Variants in ABCB11 observed in about 807,000 individuals in gnomAD.
The protein encoded by ABCB11 is ATP binding cassette subfamily B member 11.
ABCB11 carries 95 observed loss-of-function variants against 148.0 expected under a neutral mutation model. The observed-to-expected ratio is 0.64, with a 90% CI of 0.54 to 0.76. The LOEUF (loss-of-function observed/expected upper bound fraction) is 0.76, where lower values mean the gene tolerates loss of function less well. Ranked by LOEUF, ABCB11 falls within the 30% of genes least tolerant of loss-of-function variation. The pLI is 0.00. For synonymous variants in ABCB11, 591 were observed against 555.4 expected (o/e 1.06, Z -0.90); for missense variants, 1,523 against 1,617.8 (o/e 0.94, Z 1.01).
At chr2:169,005,159 T>G (rs1694982510) in intron 5 of ABCB11, among the ~76,000 whole-genome samples, 2 of 151,934 alleles carry the variant, frequency 1.3e-5, no homozygotes, top group Non-Finnish European at 2.9e-5. Context: ...CTTTCAAGAG[T>G]GCATCAGCTA....
chr2:168,981,430 T>G (rs1573935703), intron 10 of ABCB11, among the ~76,000 whole-genome samples: 2 of 152,282 alleles, frequency 1.3e-5, no homozygotes, highest in African/African-American at 4.8e-5. Flanking sequence ...CCCCCATTTC[T>G]TCATCTGCAA....
chr2:168,940,919 T>G (rs201003842), intron 21 of ABCB11, among the ~76,000 whole-genome samples: 2 of 152,132 alleles, frequency 1.3e-5, no homozygotes. Flanking sequence ...ACAGCACATC[T>G]GTTGAAAACA....
rs1031689771 is a variant in ABCB11 at position 168,924,739 on chromosome 2, G to C, written c.3683C>G (p.Ala1228Gly). ...ATCTCGTACAATGGCCCGAGCAATA[G>C]CAATGCGTTGTTTCTCCCCTCTAGA... The part of the protein sequence containing the change: ...QLSRGEKQRI[A>G]IARAIVRDPK... The change falls in exon 27 of 28, where the codon GCT becomes GGT. Residue 1228 changes from alanine (A) to glycine (G), a missense_variant. Physicochemically the swap from Ala to Gly is moderately conservative, Grantham distance 60. Transcript: ENST00000650372. The C allele has an allele frequency of 3.1e-6, 5 of 1,613,552 alleles. No homozygotes were observed. The highest frequency in any genetic ancestry group is 3.4e-6 in the Non-Finnish European group (4 of 1,179,734).
intron 21 of ABCB11, among the ~76,000 whole-genome samples, chr2:168,937,742 C>T (rs1691893038): frequency 6.6e-6 from 1 of 152,152 alleles, no homozygotes; most frequent in South Asian, 2.1e-4. Flanking sequence ...TATAAGATAC[C>T]ACTTTGATTC....
rs1467589648 is a variant in ABCB11 at position 168,968,851 on chromosome 2, G to A, written c.2012-361C>T. ...AGTCTATTCAGAATAACCCTCCTAT[G>A]TTAAATGTATATAGTAGTTACACCT... On this transcript the variant is annotated intron_variant, in intron 16 of 27. Coordinates refer to ENST00000650372, the MANE Select transcript of ABCB11 (RefSeq NM_003742.4). 2.6e-5 allele frequency among the ~76,000 whole-genome samples: 4 copies of A among 151,796 alleles called. No individual in the cohort carries two copies. In the East Asian group the frequency reaches 7.8e-4, roughly 30 times the overall value.
chr2:168,993,561 T>A, intron 8 of ABCB11, 150 bp downstream of exon 8: 1 of 677,202 alleles, frequency 1.5e-6, no homozygotes, highest in Non-Finnish European at 2.5e-6. Context: ...AAATGTCATT[T>A]GACACTGGGG....
chr2:168,976,318 C>T lies in ABCB11; in HGVS notation c.1308+259G>A, dbSNP rs150738648. Among the ~76,000 whole-genome samples the T allele has an allele frequency of 4.5e-3, 680 of 152,200 alleles. 4 individuals carry two copies. The highest frequency in any genetic ancestry group is 6.7e-3 in the Non-Finnish European group (453 of 68,012). Reference sequence around the variant, plus strand: ...GGACCTGCCACTCATTTCAACAGAGCGTCATACAGTTCATTTAGCCTGAAT... The same window carrying T: ...GGACCTGCCACTCATTTCAACAGAGTGTCATACAGTTCATTTAGCCTGAAT... On this transcript the variant is annotated intron_variant, in intron 12 of 27. Transcript: ENST00000650372.
At chr2:168,970,244 G>A (rs761062617) in intron 14 of ABCB11, 29 bp from the exon 15 acceptor site, 37 of 1,601,478 alleles carry the variant, frequency 2.3e-5, no homozygotes, top group East Asian at 6.8e-5. Flanking sequence ...CAGTCATGAA[G>A]GGAAAAGAAT....
chr2:169,014,633 G>A (rs968531916), intron 3 of ABCB11, among the ~76,000 whole-genome samples: 2 of 152,124 alleles, frequency 1.3e-5, no homozygotes, highest in Non-Finnish European at 2.9e-5. Context: ...TATACTCCCA[G>A]TTATACCAAC....
chr2:168,969,345 CT>C lies in ABCB11; in HGVS notation c.2011+4del. ...AACATACAAGTATAGGGAAAAAGCA[CT>C]TGCCCTTTATGTCCTCTTCATTAAG... is the stretch of plus-strand genomic sequence containing the variant. On this transcript the variant is annotated splice_donor_region_variant and intron_variant, in intron 16 of 27. Transcript: ENST00000650372. 6.2e-7 allele frequency: 1 copy of C among 1,609,864 alleles called. No individual in the cohort carries two copies. The highest frequency in any genetic ancestry group is 8.5e-7 in the Non-Finnish European group (1 of 1,177,696).
intron 19 of ABCB11, among the ~76,000 whole-genome samples, chr2:168,950,986 C>T (rs1692536704): frequency 6.6e-6 from 1 of 151,564 alleles, no homozygotes; most frequent in African/African-American, 2.4e-5. Flanking sequence ...TTTCTTTCTT[C>T]TGCATACTGC....
At chr2:168,967,608 T>C (rs531928393) in intron 17 of ABCB11, among the ~76,000 whole-genome samples, 1 of 152,020 alleles carries the variant, frequency 6.6e-6, no homozygotes, top group African/African-American at 2.4e-5. Context: ...TGCACAGCCT[T>C]GCATTAAATG....
At position 168,923,633 on chromosome 2, in the gene ABCB11, G is replaced by C. The variant is rs747604184; in HGVS notation, c.3955C>G (p.Pro1319Ala). The change falls in exon 28 of 28, where the codon CCC becomes GCC. Residue 1319 changes from proline to alanine, a missense_variant. Pro to Ala is a conservative substitution (Grantham distance 27). Transcript: ENST00000650372. ...ATTCTTGCATTGGGTCAACTGATGG[G>C]GGATCCAGTGGTGACTAGTTTGTAG... The part of the protein sequence containing the change: ...AYYKLVTTGS[P>A]IS The C allele has an allele frequency of 3.1e-6, 5 of 1,613,726 alleles. No individual in the cohort carries two copies. Among genetic ancestry groups the C allele is most frequent in the Non-Finnish European group, 4.2e-6 (5 of 1,179,836 alleles).
At position 168,961,866 on chromosome 2, in the gene ABCB11, A is replaced by T. The variant is rs116049909; in HGVS notation, c.2178+2340T>A. On this transcript the variant is annotated intron_variant, in intron 18 of 27. Coordinates refer to ENST00000650372, the MANE Select transcript of ABCB11 (RefSeq NM_003742.4). ...TGTGTGAATCGACCTTTAGCACCGT[A>T]AGAGAGTATTTCCCAATCTACAGAA... Among the ~76,000 whole-genome samples the T allele has an allele frequency of 2.7e-3, 406 of 151,836 alleles. 1 individual carries two copies. The highest frequency in any genetic ancestry group is 9.3e-3 in the African/African-American group (386 of 41,524).
intron 1 of ABCB11, among the ~76,000 whole-genome samples, chr2:169,029,040 GC>G (rs891448908): frequency 6.6e-6 from 1 of 152,068 alleles, no homozygotes; most frequent in Non-Finnish European, 1.5e-5. Flanking sequence ...ACCAAGCCAG[GC>G]CCGGGAGTGG....
chr2:168,963,862 A>T (rs971400685), intron 18 of ABCB11, among the ~76,000 whole-genome samples: 2 of 151,830 alleles, frequency 1.3e-5, no homozygotes, highest in African/African-American at 4.8e-5. Context: ...GGTATTCTTA[A>T]CAACTTTTAT....
chr2:168,999,615 C>T (rs936940054), intron 5 of ABCB11, among the ~76,000 whole-genome samples: 1 of 151,932 alleles, frequency 6.6e-6, no homozygotes. Context: ...CTTTTTTCCA[C>T]TTAGCATAAT....
At chr2:168,930,432 C>T (rs953709263) in intron 25 of ABCB11, among the ~76,000 whole-genome samples, 1 of 152,190 alleles carries the variant, frequency 6.6e-6, no homozygotes, top group Non-Finnish European at 1.5e-5. Flanking sequence ...GCCCAGTTTT[C>T]TTTGCCTAAC....
chr2:168,939,083 T>C (rs142357753), intron 21 of ABCB11, among the ~76,000 whole-genome samples: 14 of 114,360 alleles, frequency 1.2e-4, no homozygotes, highest in African/African-American at 4.8e-4. Flanking sequence ...TCAACTCTTT[T>C]TCTGTTGATG....
Sources: allele counts gnomAD v4.1 joint callset (sites outside exome capture counted in the v4.1 genomes callset), GRCh38; gene constraint gnomAD v4.1.1; transcripts MANE v1.5; gene names NCBI Gene and HGNC (gene_info 2026-07-23, HGNC 2026-07-21).